The following EFL1 variants were observed in gnomAD, a reference collection of about 807,000 sequenced individuals.
EFL1 encodes the protein elongation factor-like GTPase 1.
A neutral mutation model predicts 126.7 loss-of-function variants in EFL1; 76 were observed. The ratio of observed to expected loss-of-function variants is 0.60; its 90% CI spans 0.50 to 0.73. The LOEUF (loss-of-function observed/expected upper bound fraction) is 0.73, where lower values mean the gene tolerates loss of function less well. Among genes scored for constraint, EFL1 ranks in the 30% least tolerant of loss-of-function variants. The pLI, the probability that EFL1 is intolerant of heterozygous loss-of-function variation, is 0.00. For missense variants in EFL1, 1,128 were observed against 1,343.2 expected (o/e 0.84, Z 2.50); for synonymous variants, 410 against 448.4 (o/e 0.91, Z 1.08).
chr15:82,258,985 G>GTT, intron 3 of EFL1, 103 bp downstream of exon 3: 1 of 1,081,960 alleles, frequency 9.2e-7, no homozygotes, highest in Non-Finnish European at 1.4e-6. Context: ...CAAGAATTAT[G>GTT]TTTTATACCC....
At chr15:82,206,788 G>A (rs1319201320) in intron 15 of EFL1, among the ~76,000 whole-genome samples, 1 of 152,016 alleles carries the variant, frequency 6.6e-6, no homozygotes, top group Non-Finnish European at 1.5e-5. Context: ...GACTTCATGG[G>A]TGCTAATATC....
intron 19 of EFL1, among the ~76,000 whole-genome samples, chr15:82,131,465 A>T (rs904074948): frequency 2.6e-5 from 4 of 151,776 alleles, no homozygotes; most frequent in South Asian, 2.1e-4. Flanking sequence ...CTAATTTTTA[A>T]TTTTTTTTCT....
chr15:82,225,553 G>A (rs1595994458), intron 11 of EFL1, among the ~76,000 whole-genome samples: 1 of 152,188 alleles, frequency 6.6e-6, no homozygotes, highest in African/African-American at 2.4e-5. Context: ...ATGCAATGAG[G>A]TTAACCACCT....
intron 15 of EFL1, among the ~76,000 whole-genome samples, chr15:82,181,644 G>GTGTGTGTGTGTA (rs1007312694): frequency 8.1e-4 from 122 of 151,214 alleles, no homozygotes; most frequent in African/African-American, 2.8e-3. Context: ...GTGTGTGTGT[G>GTGTGTGTGTGTA]TATATATATA....
At chr15:82,243,637 G>C (rs1408812525) in intron 4 of EFL1, among the ~76,000 whole-genome samples, 2 of 107,358 alleles carry the variant, frequency 1.9e-5, no homozygotes, top group African/African-American at 3.8e-5. Context: ...GTTCTTTACA[G>C]AGTCTAAAAA....
intron 15 of EFL1, among the ~76,000 whole-genome samples, chr15:82,181,667 T>A (rs2074253409): frequency 6.6e-6 from 1 of 151,988 alleles, no homozygotes; most frequent in Non-Finnish European, 1.5e-5. Flanking sequence ...TGAATTCACT[T>A]ATTCATCATG....
intron 7 of EFL1, among the ~76,000 whole-genome samples, chr15:82,238,021 T>A (rs540172950): frequency 1.3e-5 from 2 of 152,302 alleles, no homozygotes; most frequent in African/African-American, 4.8e-5. Flanking sequence ...GGGAAGGAAG[T>A]AGCTGTGGCA....
intron 15 of EFL1, among the ~76,000 whole-genome samples, chr15:82,197,530 G>A (rs1340958979): frequency 6.6e-6 from 1 of 152,108 alleles, no homozygotes; most frequent in East Asian, 1.9e-4. Context: ...GGGGGTTCAG[G>A]ATATTAGTGA....
chr15:82,146,289 A>G (rs1413720991), intron 18 of EFL1, among the ~76,000 whole-genome samples: 1 of 152,192 alleles, frequency 6.6e-6, no homozygotes, highest in Non-Finnish European at 1.5e-5. Context: ...GCTAAATAAA[A>G]AAGACCTGAA....
chr15:82,163,772 C>T lies in EFL1; in HGVS notation c.1882+81G>A, dbSNP rs76390160. ...TTCATTATATACTGCTGAAACAAGT[C>T]ATGAGGAATCAAATACTAAATACAT... On this transcript the variant is annotated intron_variant, in intron 16 of 19. Coordinates refer to ENST00000268206, the MANE Select transcript of EFL1 (RefSeq NM_024580.6). 2,336 of 1,496,818 alleles carry T rather than the reference C, an allele frequency of 1.6e-3. 28 individuals are homozygous for T. In the African/African-American group the frequency reaches 0.028, roughly 18 times the overall value. 92.7% of individuals were successfully genotyped at this position (1,496,818 alleles called of 1,614,324 possible).
chr15:82,162,342 T>G (rs1347009222), intron 16 of EFL1, among the ~76,000 whole-genome samples: 3 of 152,242 alleles, frequency 2.0e-5, no homozygotes, highest in Non-Finnish European at 4.4e-5. Flanking sequence ...TTTTAAAATG[T>G]ATGTGCAAAT....
chr15:82,220,192 G>A lies in EFL1; in HGVS notation c.1330C>T (p.Arg444Cys), dbSNP rs1478789281. ...TTCTCTGCATGCCTTTGTCTTGCAC[G>A]CTCACGTCTCTGAGCAATTTCTTCT... is the stretch of plus-strand genomic sequence containing the variant. Reference protein sequence around the residue: ...TQEEIAQRRERARQRHAEKLA... With the variant: ...TQEEIAQRRECARQRHAEKLA... Residue 444 changes from arginine to cysteine, a missense_variant, in exon 13 of 20, where the codon CGT becomes TGT. Physicochemically the swap from Arg to Cys is radical, Grantham distance 180. This residue lies in a region of EFL1 where 10 missense variants were observed against 32.2 expected (regional missense o/e 0.31). Transcript: ENST00000268206. 6.2e-6 allele frequency: 10 copies of A among 1,610,986 alleles called. No individual in the cohort carries two copies. Among genetic ancestry groups the A allele is most frequent in the Admixed American group, 1.7e-5 (1 of 59,160 alleles).
chr15:82,162,456 T>C (rs1471387338), intron 16 of EFL1, among the ~76,000 whole-genome samples: 1 of 152,192 alleles, frequency 6.6e-6, no homozygotes, highest in African/African-American at 2.4e-5. Flanking sequence ...AAAACTGAGC[T>C]TTCTTGTATG....
chr15:82,227,630 G>A, intron 10 of EFL1, 58 bp from the exon 11 acceptor site: 1 of 1,610,928 alleles, frequency 6.2e-7, no homozygotes, highest in Non-Finnish European at 8.5e-7. Flanking sequence ...CCAAGGCGAA[G>A]ATTCACTGTA....
At chr15:82,185,062 G>C (rs961223294) in intron 15 of EFL1, among the ~76,000 whole-genome samples, 2 of 152,092 alleles carry the variant, frequency 1.3e-5, no homozygotes, top group Admixed American at 6.5e-5. Flanking sequence ...AATGGATTTT[G>C]TCTGTTAGAG....
intron 7 of EFL1, among the ~76,000 whole-genome samples, chr15:82,232,945 T>A (rs1348923164): frequency 6.6e-6 from 1 of 152,162 alleles, no homozygotes; most frequent in Non-Finnish European, 1.5e-5. Context: ...CAGACTGTAT[T>A]ATACATTATT....
rs888962013 is a variant in EFL1 at position 82,259,010 on chromosome 15, A to C, written c.159+78T>G. 46 of 1,308,756 alleles carry C rather than the reference A, an allele frequency of 3.5e-5. No individual in the cohort carries two copies. In the African/African-American group the frequency reaches 6.0e-4, roughly 17 times the overall value. The allele number at this position is 1,308,756 out of a possible 1,614,324, so 81.1% of individuals were successfully genotyped here. On this transcript the variant is annotated intron_variant, in intron 3 of 19. Coordinates refer to ENST00000268206, the MANE Select transcript of EFL1 (RefSeq NM_024580.6). ...GTTTTATACCCTTTTGGATGGCTGA[A>C]GAACACAGAAAATGGTTCATCACAT...
At chr15:82,196,790 T>C (rs890178525) in intron 15 of EFL1, among the ~76,000 whole-genome samples, 2 of 152,168 alleles carry the variant, frequency 1.3e-5, no homozygotes, top group African/African-American at 4.8e-5. Flanking sequence ...TCCCAGCACT[T>C]TGGGAGGCCA....
intron 18 of EFL1, among the ~76,000 whole-genome samples, chr15:82,142,993 T>C (rs1595938210): frequency 6.6e-6 from 1 of 152,226 alleles, no homozygotes; most frequent in Non-Finnish European, 1.5e-5. Context: ...TTCTCATATA[T>C]ACATTTTCTT....
Sources: allele counts gnomAD v4.1 joint callset (sites outside exome capture counted in the v4.1 genomes callset), GRCh38; gene constraint gnomAD v4.1.1; regional missense constraint gnomAD v4.1.1; transcripts MANE v1.5; gene names NCBI Gene and HGNC (gene_info 2026-07-23, HGNC 2026-07-21).